The following TMEM132B variants were observed in gnomAD, a reference collection of about 807,000 sequenced individuals.
TMEM132B encodes the protein transmembrane protein 132B.
TMEM132B carries 18 observed loss-of-function variants against 90.8 expected under a neutral mutation model. That is an observed-to-expected ratio of 0.20 (90% CI 0.14 to 0.29). The LOEUF is 0.29. Among genes scored for constraint, TMEM132B ranks in the 10% least tolerant of loss-of-function variants. TMEM132B has a pLI of 1.00. For missense variants in TMEM132B, 1,096 were observed against 1,326.8 expected (o/e 0.83, Z 2.70); for synonymous variants, 504 against 523.3 (o/e 0.96, Z 0.50).
chr12:125,195,368 GGA>G (rs1872900530), intron 1 of TMEM132B, among the ~76,000 whole-genome samples: 1 of 151,190 alleles, frequency 6.6e-6, no homozygotes, highest in Non-Finnish European at 1.5e-5. Context: ...GAGCAGAGAT[GGA>G]GCGCTGGGGA....
At chr12:125,189,161 C>T (rs1957780500) in intron 1 of TMEM132B, among the ~76,000 whole-genome samples, 1 of 152,180 alleles carries the variant, frequency 6.6e-6, no homozygotes, top group South Asian at 2.1e-4. Flanking sequence ...GGGTGTACTT[C>T]TTTCAGCCTT....
chr12:125,226,052 A>G (rs554786371), intron 1 of TMEM132B, among the ~76,000 whole-genome samples: 3 of 152,372 alleles, frequency 2.0e-5, no homozygotes, highest in Admixed American at 2.0e-4. Flanking sequence ...TCTTTGCCTT[A>G]TGCAAAAAAG....
intron 2 of TMEM132B, among the ~76,000 whole-genome samples, chr12:125,373,438 G>A (rs1326198278): frequency 1.3e-5 from 2 of 152,190 alleles, no homozygotes; most frequent in Non-Finnish European, 2.9e-5. Flanking sequence ...GGAGATCCAT[G>A]TGAAGACACA....
intron 3 of TMEM132B, among the ~76,000 whole-genome samples, chr12:125,476,437 T>C (rs534272553): frequency 1.3e-5 from 2 of 152,372 alleles, no homozygotes; most frequent in East Asian, 3.9e-4. Context: ...TGTAATGCTT[T>C]TGATTTCATC....
intron 1 of TMEM132B, among the ~76,000 whole-genome samples, chr12:125,222,291 A>C (rs774684543): frequency 2.6e-5 from 4 of 152,204 alleles, no homozygotes; most frequent in Non-Finnish European, 5.9e-5. Flanking sequence ...TCAAGGCAGC[A>C]AACAGAAATA....
At chr12:125,202,372 T>A (rs1873081763) in intron 1 of TMEM132B, among the ~76,000 whole-genome samples, 1 of 152,260 alleles carries the variant, frequency 6.6e-6, no homozygotes, top group Admixed American at 6.5e-5. Flanking sequence ...CCAGGTCCTC[T>A]GCCAGAGGTC....
At chr12:125,316,755 G>T (rs1276502745) in intron 1 of TMEM132B, among the ~76,000 whole-genome samples, 5 of 152,296 alleles carry the variant, frequency 3.3e-5, no homozygotes, top group African/African-American at 1.2e-4. Context: ...GTGGGGGGCT[G>T]CAGTGACGTA....
chr12:125,215,797 C>G (rs11058068), intron 1 of TMEM132B, among the ~76,000 whole-genome samples: 37,990 of 152,270 alleles, frequency 0.25, 5,154 homozygotes, highest in African/African-American at 0.35. Context: ...CCGCCTTGGC[C>G]TCCCAAAGTG....
intron 1 of TMEM132B, among the ~76,000 whole-genome samples, chr12:125,217,654 A>G (rs928330413): frequency 6.6e-6 from 1 of 152,048 alleles, no homozygotes; most frequent in Non-Finnish European, 1.5e-5. Context: ...GGGTCTCACC[A>G]TGTTGCCCAG....
At chr12:125,344,994 T>C (rs1877310656) in intron 1 of TMEM132B, among the ~76,000 whole-genome samples, 1 of 152,148 alleles carries the variant, frequency 6.6e-6, no homozygotes, top group Non-Finnish European at 1.5e-5. Flanking sequence ...TCCTTTTGGC[T>C]CCTGGCCTTC....
At chr12:125,391,977 G>A (rs183477842) in intron 2 of TMEM132B, among the ~76,000 whole-genome samples, 23 of 152,162 alleles carry the variant, frequency 1.5e-4, no homozygotes, top group African/African-American at 5.3e-4. Context: ...TGTTGCCCAG[G>A]CTGGTCTCCC....
intron 3 of TMEM132B, among the ~76,000 whole-genome samples, chr12:125,499,828 G>A (rs1354733697): frequency 6.6e-6 from 1 of 152,164 alleles, no homozygotes; most frequent in Non-Finnish European, 1.5e-5. Context: ...GAAAGATTGT[G>A]TTTCTGTTTT....
At position 125,251,951 on chromosome 12, in the gene TMEM132B, T is replaced by A. The variant is rs1195583641; in HGVS notation, c.67+65085T>A. Among the ~76,000 whole-genome samples the A allele has an allele frequency of 6.6e-6, 1 of 152,252 alleles. No homozygotes were observed. Among genetic ancestry groups the A allele is most frequent in the Non-Finnish European group, 1.5e-5 (1 of 68,040 alleles). ...GGCCTTTATGCATGATCTGAAGTTA[T>A]CTAGAATTTGGGAGCTGGAAGGATT... On this transcript the variant is annotated intron_variant, in intron 1 of 8. Coordinates refer to ENST00000682704, the MANE Select transcript of TMEM132B (RefSeq NM_001366854.1). The surrounding 1 kb of genome is among the most constrained non-coding windows in gnomAD (Gnocchi z 4.4).
At chr12:125,413,115 TA>T (rs1879903409) in intron 2 of TMEM132B, among the ~76,000 whole-genome samples, 1 of 152,152 alleles carries the variant, frequency 6.6e-6, no homozygotes, top group Admixed American at 6.5e-5. Context: ...TTGAATCTCC[TA>T]ATTCTACCCT....
chr12:125,575,060 A>ATATATATATATATATATATATATG (rs1254916510), intron 4 of TMEM132B, among the ~76,000 whole-genome samples: 1 of 65,036 alleles, frequency 1.5e-5, no homozygotes, highest in African/African-American at 5.9e-5. Flanking sequence ...TAGCTGTCAT[A>ATATATATATATATATATATATATG]TATATATATA....
intron 1 of TMEM132B, among the ~76,000 whole-genome samples, chr12:125,303,741 T>C (rs1875889642): frequency 6.6e-6 from 1 of 152,248 alleles, no homozygotes; most frequent in African/African-American, 2.4e-5. Context: ...AATAATGACG[T>C]TGAGAATTTT....
At chr12:125,485,892 G>A (rs530641175) in intron 3 of TMEM132B, among the ~76,000 whole-genome samples, 2 of 152,218 alleles carry the variant, frequency 1.3e-5, no homozygotes, top group African/African-American at 2.4e-5. Context: ...AGTCCACCTC[G>A]ATGTCTTTTT....
intron 5 of TMEM132B, among the ~76,000 whole-genome samples, chr12:125,596,441 T>C (rs1885442225): frequency 6.6e-6 from 1 of 152,224 alleles, no homozygotes; most frequent in African/African-American, 2.4e-5. Context: ...TCTGACTACA[T>C]TTTCTAAACT....
chr12:125,248,687 T>C (rs1383411486), intron 1 of TMEM132B, among the ~76,000 whole-genome samples: 1 of 152,244 alleles, frequency 6.6e-6, no homozygotes, highest in Non-Finnish European at 1.5e-5. Flanking sequence ...TGTTGGCTTA[T>C]GCTTTAGGCT....
Sources: allele counts gnomAD v4.1 joint callset (sites outside exome capture counted in the v4.1 genomes callset), GRCh38; gene constraint gnomAD v4.1.1; non-coding constraint Gnocchi (gnomAD v3.1); transcripts MANE v1.5; gene names NCBI Gene and HGNC (gene_info 2026-07-23, HGNC 2026-07-21).